The following MAGI2 variants were observed in gnomAD, a reference collection of about 807,000 sequenced individuals.
The protein encoded by MAGI2 is membrane-associated guanylate kinase, WW and PDZ domain-containing protein 2.
MAGI2 carries 35 observed loss-of-function variants against 133.3 expected under a neutral mutation model. The ratio of observed to expected loss-of-function variants is 0.26; its 90% CI spans 0.20 to 0.35. The LOEUF (loss-of-function observed/expected upper bound fraction) is 0.35, where lower values mean the gene tolerates loss of function less well. Among genes scored for constraint, MAGI2 ranks in the 10% least tolerant of loss-of-function variants. MAGI2 has a pLI of 1.00. For missense variants in MAGI2, 1,636 were observed against 1,863.4 expected, an observed-to-expected ratio of 0.88 and a Z score of 2.25; for synonymous variants, 729 against 710.6, an observed-to-expected ratio of 1.03 and a Z score of -0.41.
rs1435758319 is a variant in MAGI2 at position 78,728,776 on chromosome 7, G to A, written c.419-101537C>T. On this transcript the variant is annotated intron_variant, in intron 2 of 21. Transcript: ENST00000354212. ...GAGACGGGGTTTCACCGTTTTAGCCGGGATGGTCTCGATCTCCTGACCTCG... is the reference window on the plus strand; with the variant it reads ...GAGACGGGGTTTCACCGTTTTAGCCAGGATGGTCTCGATCTCCTGACCTCG... Among the ~76,000 whole-genome samples, 12 of 127,274 alleles carry A rather than the reference G, an allele frequency of 9.4e-5. No homozygotes were observed. The South Asian group carries it at 2.0e-3, about 21-fold the overall frequency. 83.5% of individuals were successfully genotyped at this position (127,274 alleles called of 152,430 possible).
chr7:78,489,560 A>G (rs950080945), intron 6 of MAGI2, among the ~76,000 whole-genome samples: 1 of 152,124 alleles, frequency 6.6e-6, no homozygotes, highest in African/African-American at 2.4e-5. Flanking sequence ...TATTCAGCAC[A>G]GTCTCCTCAG....
intron 3 of MAGI2, among the ~76,000 whole-genome samples, chr7:78,536,138 A>T (rs905004361): frequency 8.2e-5 from 6 of 73,510 alleles, no homozygotes; most frequent in African/African-American, 2.9e-4. Flanking sequence ...TTTGAGACGG[A>T]GTCTCGCTCT....
intron 1 of MAGI2, chr7:79,410,637 T>C (rs1437192103): frequency 2.6e-5 from 4 of 152,124 alleles, no homozygotes; most frequent in Non-Finnish European, 5.9e-5. Flanking sequence ...ACTAGCTTTC[T>C]ATAAAAGCAA....
chr7:78,729,618 T>C (rs1821172546), intron 2 of MAGI2, among the ~76,000 whole-genome samples: 1 of 152,184 alleles, frequency 6.6e-6, no homozygotes, highest in Admixed American at 6.5e-5. Context: ...AGAACCACAA[T>C]GGCCCTCATC....
At chr7:78,149,772 C>G (rs1823690396) in intron 16 of MAGI2, among the ~76,000 whole-genome samples, 1 of 152,148 alleles carries the variant, frequency 6.6e-6, no homozygotes, top group Non-Finnish European at 1.5e-5. Flanking sequence ...AGACTTATAA[C>G]AGAAGGTTTT....
intron 2 of MAGI2, among the ~76,000 whole-genome samples, chr7:78,735,238 TC>T (rs1375033940): frequency 6.6e-6 from 1 of 152,198 alleles, no homozygotes; most frequent in Non-Finnish European, 1.5e-5. Flanking sequence ...ACCTTATATT[TC>T]TTTGTTTTAC....
At chr7:79,325,294 C>A (rs544392635) in intron 1 of MAGI2, among the ~76,000 whole-genome samples, 1 of 152,042 alleles carries the variant, frequency 6.6e-6, no homozygotes, top group Non-Finnish European at 1.5e-5. Flanking sequence ...TTATCGTAAC[C>A]CTCCCTTTGC....
At chr7:78,062,333 T>C (rs926383174) in intron 21 of MAGI2, among the ~76,000 whole-genome samples, 2 of 151,892 alleles carry the variant, frequency 1.3e-5, no homozygotes, top group Non-Finnish European at 2.9e-5. Context: ...TATAGAGAGG[T>C]CCATGGAGTA....
chr7:78,186,531 A>G (rs1827715246), intron 12 of MAGI2, among the ~76,000 whole-genome samples: 1 of 152,174 alleles, frequency 6.6e-6, no homozygotes, highest in Non-Finnish European at 1.5e-5. Context: ...CTAAATGTGA[A>G]GAAGAACATA....
chr7:79,122,172 C>T (rs1017884830), intron 1 of MAGI2, among the ~76,000 whole-genome samples: 2 of 152,154 alleles, frequency 1.3e-5, no homozygotes, highest in Admixed American at 6.6e-5. Context: ...TATTTATACC[C>T]CTCTGCTTTA....
At chr7:78,902,834 T>A (rs1584339325) in intron 2 of MAGI2, among the ~76,000 whole-genome samples, 1 of 152,184 alleles carries the variant, frequency 6.6e-6, no homozygotes, top group Middle Eastern at 3.4e-3. Context: ...CCCTAGGAAG[T>A]ATGAAAAGCT....
At chr7:79,211,063 A>G (rs1301008106) in intron 1 of MAGI2, among the ~76,000 whole-genome samples, 2 of 152,076 alleles carry the variant, frequency 1.3e-5, no homozygotes, top group East Asian at 3.8e-4. Context: ...CACTTGCAGG[A>G]TATGATGTGG....
At chr7:78,312,787 A>G (rs544402230) in intron 9 of MAGI2, among the ~76,000 whole-genome samples, 4 of 152,054 alleles carry the variant, frequency 2.6e-5, no homozygotes, top group African/African-American at 9.6e-5. Context: ...ATCCCACTCA[A>G]GGGTATATAC....
chr7:79,098,834 GGAGA>G (rs1435129833), intron 1 of MAGI2, among the ~76,000 whole-genome samples: 1 of 152,188 alleles, frequency 6.6e-6, no homozygotes, highest in African/African-American at 2.4e-5. Flanking sequence ...TCCCAGGAGA[GGAGA>G]GAGAAAGGGG....
chr7:79,315,125 C>A (rs568406669), intron 1 of MAGI2, among the ~76,000 whole-genome samples: 1 of 149,828 alleles, frequency 6.7e-6, no homozygotes, highest in Non-Finnish European at 1.5e-5. Context: ...TTTAAAAATG[C>A]GATTTTGTTC....
chr7:79,403,777 T>C (rs998046834), intron 1 of MAGI2, among the ~76,000 whole-genome samples: 1 of 152,124 alleles, frequency 6.6e-6, no homozygotes, highest in Non-Finnish European at 1.5e-5. Flanking sequence ...ATTTTCAAAA[T>C]ATAAAGTAAG....
intron 2 of MAGI2, among the ~76,000 whole-genome samples, chr7:78,747,804 G>C (rs1029215409): frequency 6.6e-6 from 1 of 152,162 alleles, no homozygotes; most frequent in African/African-American, 2.4e-5. Context: ...TTAGCACAGG[G>C]CCTGTTTTCC....
chr7:78,464,154 T>A lies in MAGI2; in HGVS notation c.1045+25607A>T, dbSNP rs80087746. Among the ~76,000 whole-genome samples, 381 of 152,274 alleles carry A rather than the reference T, an allele frequency of 2.5e-3. 1 individual carries two copies. The highest frequency in any genetic ancestry group is 8.6e-3 in the African/African-American group (357 of 41,566). ...ATCCTCACCACCACCATCATTATCCTCGGAGCATTTCTAAAAAGGATATTT... is the reference window on the plus strand; with the variant it reads ...ATCCTCACCACCACCATCATTATCCACGGAGCATTTCTAAAAAGGATATTT... On this transcript the variant is annotated intron_variant, in intron 6 of 21. Coordinates refer to ENST00000354212, the MANE Select transcript of MAGI2 (RefSeq NM_012301.4).
intron 21 of MAGI2, 118 bp from the exon 22 acceptor site, chr7:78,020,094 G>GCCGCCCCCACCC (rs1230779683): frequency 2.2e-6 from 2 of 897,176 alleles, no homozygotes; most frequent in Admixed American, 6.5e-5. Flanking sequence ...CGGAGCCACC[G>GCCGCCCCCACCC]CCGCCCCCAC....
Sources: allele counts gnomAD v4.1 joint callset (sites outside exome capture counted in the v4.1 genomes callset), GRCh38; gene constraint gnomAD v4.1.1; transcripts MANE v1.5; gene names NCBI Gene and HGNC (gene_info 2026-07-23, HGNC 2026-07-21).